LRRTM3: variants seen among roughly 807,000 people sequenced by gnomAD.
LRRTM3 encodes leucine-rich repeat transmembrane neuronal protein 3.
A neutral mutation model predicts 44.7 loss-of-function variants in LRRTM3; 24 were observed. The ratio of observed to expected loss-of-function variants is 0.54; its 90% confidence interval spans 0.39 to 0.76. The LOEUF (loss-of-function observed/expected upper bound fraction) is 0.76, where lower values mean the gene tolerates loss of function less well. Among genes scored for constraint, LRRTM3 ranks in the 30% least tolerant of loss-of-function variants. LRRTM3 has a pLI of 0.00. For synonymous variants in LRRTM3, 277 were observed against 278.7 expected (o/e 0.99, Z 0.06); for missense variants, 587 against 702.2 (o/e 0.84, Z 1.85).
intron 2 of LRRTM3, among the ~76,000 whole-genome samples, chr10:67,041,203 A>G (rs1161343223): frequency 2.6e-5 from 4 of 152,064 alleles, no homozygotes; most frequent in Non-Finnish European, 5.9e-5. Context: ...AAGAAAATCA[A>G]ACTTGTCAGA....
At chr10:66,943,198 G>A (rs568032904) in intron 2 of LRRTM3, among the ~76,000 whole-genome samples, 2 of 152,268 alleles carry the variant, frequency 1.3e-5, no homozygotes, top group Non-Finnish European at 2.9e-5. Flanking sequence ...GAGCAGAGAC[G>A]AGAAAAGCTA....
intron 2 of LRRTM3, among the ~76,000 whole-genome samples, chr10:67,078,939 T>A (rs759593872): frequency 6.6e-6 from 1 of 152,350 alleles, no homozygotes; most frequent in Non-Finnish European, 1.5e-5. Context: ...GTAGACCACT[T>A]CATTTGATTA....
chr10:67,097,534 C>G (rs1858078462), intron 2 of LRRTM3, 53 bp from the exon 3 acceptor site: 1 of 1,515,330 alleles, frequency 6.6e-7, no homozygotes, highest in South Asian at 1.1e-5. Context: ...AATCTTTCCC[C>G]TAAAGTTGTC....
At chr10:67,008,794 AG>A (rs1852157732) in intron 2 of LRRTM3, among the ~76,000 whole-genome samples, 3 of 152,190 alleles carry the variant, frequency 2.0e-5, no homozygotes, top group Admixed American at 2.0e-4. Context: ...ATAAGACAGA[AG>A]GCCCCAGTGC....
intron 2 of LRRTM3, among the ~76,000 whole-genome samples, chr10:67,006,548 T>C (rs1310497729): frequency 6.6e-6 from 1 of 151,046 alleles, no homozygotes; most frequent in African/African-American, 2.4e-5. Context: ...TATTCTCTTA[T>C]AACTTCAACC....
At chr10:67,064,156 T>C (rs1157554200) in intron 2 of LRRTM3, among the ~76,000 whole-genome samples, 1 of 152,202 alleles carries the variant, frequency 6.6e-6, no homozygotes, top group Non-Finnish European at 1.5e-5. Flanking sequence ...ATGAATATGA[T>C]AACTACTTAT....
At chr10:67,081,648 G>T (rs1490956395) in intron 2 of LRRTM3, among the ~76,000 whole-genome samples, 1 of 152,100 alleles carries the variant, frequency 6.6e-6, no homozygotes, top group Non-Finnish European at 1.5e-5. Flanking sequence ...TGTCACTGTT[G>T]CTCCATATAC....
chr10:67,060,415 C>G (rs1361662236), intron 2 of LRRTM3, among the ~76,000 whole-genome samples: 1 of 152,196 alleles, frequency 6.6e-6, no homozygotes, highest in African/African-American at 2.4e-5. Context: ...AGTATTGAAG[C>G]ACTTTCATGA....
At chr10:67,029,397 A>G (rs192010863) in intron 2 of LRRTM3, among the ~76,000 whole-genome samples, 2 of 152,228 alleles carry the variant, frequency 1.3e-5, no homozygotes, top group East Asian at 1.9e-4. Flanking sequence ...AATGGGGAAG[A>G]CCTATAAAGA....
intron 2 of LRRTM3, among the ~76,000 whole-genome samples, chr10:66,970,384 T>C (rs1849650027): frequency 1.3e-5 from 2 of 152,026 alleles, no homozygotes. Context: ...CTTCTCGATA[T>C]ACAGCAGATA....
chr10:66,929,654 C>A (rs1305862827), intron 2 of LRRTM3, among the ~76,000 whole-genome samples: 1 of 152,180 alleles, frequency 6.6e-6, no homozygotes, highest in African/African-American at 2.4e-5. Context: ...TTCTCTGTTG[C>A]TTTTCTATTG....
intron 2 of LRRTM3, among the ~76,000 whole-genome samples, chr10:67,076,185 C>G (rs1856738679): frequency 6.6e-6 from 1 of 152,196 alleles, no homozygotes; most frequent in Non-Finnish European, 1.5e-5. Context: ...CTCCAGAGAG[C>G]TACAATTTTT....
chr10:67,045,417 TTTG>T (rs1218942642), intron 2 of LRRTM3, among the ~76,000 whole-genome samples: 2 of 152,140 alleles, frequency 1.3e-5, no homozygotes, highest in Non-Finnish European at 2.9e-5. Context: ...TGTTGGTTTT[TTTG>T]TTGTTGTTGT....
At chr10:67,004,732 TATATC>T (rs1851875971) in intron 2 of LRRTM3, among the ~76,000 whole-genome samples, 5 of 152,230 alleles carry the variant, frequency 3.3e-5, no homozygotes, top group East Asian at 3.8e-4. Flanking sequence ...CTTTTTAACT[TATATC>T]ATGTCAATTA....
chr10:66,978,409 C>T (rs1850188525), intron 2 of LRRTM3, among the ~76,000 whole-genome samples: 1 of 150,222 alleles, frequency 6.7e-6, no homozygotes, highest in South Asian at 2.1e-4. Flanking sequence ...CGCCTGTAAT[C>T]CCAGCTATTC....
chr10:66,981,954 C>T (rs564460105), intron 2 of LRRTM3, among the ~76,000 whole-genome samples: 1 of 152,296 alleles, frequency 6.6e-6, no homozygotes, highest in South Asian at 2.1e-4. Flanking sequence ...GCCTATTTGG[C>T]TCAGCTGTCT....
chr10:67,006,257 T>C (rs1057315420), intron 2 of LRRTM3, among the ~76,000 whole-genome samples: 3 of 152,114 alleles, frequency 2.0e-5, no homozygotes, highest in African/African-American at 7.2e-5. Context: ...AGCTGTACTC[T>C]CTTCTCTACA....
intron 2 of LRRTM3, among the ~76,000 whole-genome samples, chr10:66,950,807 T>A (rs1284059357): frequency 6.6e-6 from 1 of 152,176 alleles, no homozygotes; most frequent in East Asian, 1.9e-4. Flanking sequence ...CCACACTGTG[T>A]GAGGGGCATA....
At chr10:67,011,161 C>G (rs1852306002) in intron 2 of LRRTM3, among the ~76,000 whole-genome samples, 1 of 151,970 alleles carries the variant, frequency 6.6e-6, no homozygotes, top group Admixed American at 6.6e-5. Flanking sequence ...AACCCCGTCT[C>G]TACTAAAAAT....
Sources: allele counts gnomAD v4.1 joint callset (sites outside exome capture counted in the v4.1 genomes callset), GRCh38; gene constraint gnomAD v4.1.1; transcripts MANE v1.5; gene names NCBI Gene and HGNC (gene_info 2026-07-23, HGNC 2026-07-21).